The following PHF14 variants were observed in gnomAD, a reference collection of about 807,000 sequenced individuals.
PHF14 encodes PHD finger protein 14.
In PHF14, 55 loss-of-function variants were observed where a neutral mutation model predicts 117.9. The ratio of observed to expected loss-of-function variants is 0.47; its 90% CI spans 0.38 to 0.58. The LOEUF is 0.58. PHF14 is among the 20% of genes least tolerant of loss of function. The pLI, the probability that PHF14 is intolerant of heterozygous loss-of-function variation, is 0.00. For synonymous variants in PHF14, 409 were observed against 368.6 expected, an observed-to-expected ratio of 1.11 and a Z score of -1.26; for missense variants, 978 against 1,122.2, an observed-to-expected ratio of 0.87 and a Z score of 1.84.
Position 10,973,877 on chromosome 7 carries a change from C to G in PHF14, c.-447C>G, listed in dbSNP as rs1343592519. 2.5e-5 allele frequency: 4 copies of G among 160,600 alleles called. No homozygotes were observed. Among genetic ancestry groups the G allele is most frequent in the Admixed American group, 1.8e-4 (3 of 16,426 alleles). 9.9% of individuals were successfully genotyped at this position (160,600 alleles called of 1,614,324 possible). On this transcript the variant is annotated 5_prime_UTR_variant, in exon 1 of 18. Transcript: ENST00000634607. ...GCGCTCAGCCTCGTGTTTTCACTTC[C>G]TTTTCAGAGCTGTATCCGGGTCGCT...
chr7:11,116,393 A>G (rs918402604), intron 17 of PHF14, among the ~76,000 whole-genome samples: 4 of 152,060 alleles, frequency 2.6e-5, no homozygotes, highest in African/African-American at 7.2e-5. Flanking sequence ...TTCTCAGTAG[A>G]AAAAGCCAAG....
intron 17 of PHF14, among the ~76,000 whole-genome samples, chr7:11,168,045 C>G (rs1009548412): frequency 6.6e-6 from 1 of 150,546 alleles, no homozygotes; most frequent in African/African-American, 2.4e-5. Context: ...GAAATGTCAT[C>G]TGTAGGAACT....
chr7:11,021,646 C>T (rs1783740482), intron 5 of PHF14, among the ~76,000 whole-genome samples: 2 of 151,978 alleles, frequency 1.3e-5, no homozygotes, highest in Admixed American at 1.3e-4. Context: ...ATCAGTGGAG[C>T]ATGAAAAAAC....
At chr7:11,025,798 A>G (rs964384175) in intron 6 of PHF14, among the ~76,000 whole-genome samples, 2 of 151,374 alleles carry the variant, frequency 1.3e-5, no homozygotes, top group African/African-American at 4.9e-5. Context: ...CCGTCTCAAA[A>G]AAAAAGAAAA....
intron 3 of PHF14, among the ~76,000 whole-genome samples, chr7:10,984,286 A>G (rs1327297608): frequency 6.6e-6 from 1 of 152,150 alleles, no homozygotes; most frequent in African/African-American, 2.4e-5. Flanking sequence ...TGAGGTTATC[A>G]GTGGAGATGA....
chr7:10,998,496 G>A (rs949827098), intron 4 of PHF14, among the ~76,000 whole-genome samples: 1 of 152,020 alleles, frequency 6.6e-6, no homozygotes, highest in African/African-American at 2.4e-5. Flanking sequence ...GATATTAGTG[G>A]TAATGAATAT....
intron 7 of PHF14, 75 bp downstream of exon 7, chr7:11,028,893 T>A: frequency 8.3e-7 from 1 of 1,202,132 alleles, no homozygotes. Flanking sequence ...ATAATAAGTG[T>A]AAATAATAAA....
intron 17 of PHF14, among the ~76,000 whole-genome samples, chr7:11,119,293 T>C (rs573498511): frequency 6.6e-6 from 1 of 152,002 alleles, no homozygotes; most frequent in African/African-American, 2.4e-5. Flanking sequence ...AGAGTTAAGA[T>C]AAAGGACATT....
At chr7:11,143,480 C>T (rs1788456689) in intron 17 of PHF14, among the ~76,000 whole-genome samples, 1 of 151,900 alleles carries the variant, frequency 6.6e-6, no homozygotes, top group African/African-American at 2.4e-5. Flanking sequence ...AGTGACAGAT[C>T]ACTTCAAGAA....
chr7:10,989,518 C>A (rs1158342048), intron 3 of PHF14, among the ~76,000 whole-genome samples: 1 of 152,118 alleles, frequency 6.6e-6, no homozygotes, highest in East Asian at 1.9e-4. Flanking sequence ...ATGCAAGAAT[C>A]ATTTTCTTAA....
At chr7:10,997,329 G>A (rs867522569) in intron 4 of PHF14, among the ~76,000 whole-genome samples, 3 of 152,154 alleles carry the variant, frequency 2.0e-5, no homozygotes, top group African/African-American at 2.4e-5. Flanking sequence ...AAGGGAAAGT[G>A]CAAAAAGTGA....
chr7:11,064,461 G>A (rs1785353769), intron 16 of PHF14, among the ~76,000 whole-genome samples: 1 of 151,642 alleles, frequency 6.6e-6, no homozygotes, highest in Non-Finnish European at 1.5e-5. Context: ...ATGTCTGTTA[G>A]GTTCTCTTTT....
At chr7:11,051,093 T>C (rs575797241) in intron 13 of PHF14, among the ~76,000 whole-genome samples, 8 of 152,128 alleles carry the variant, frequency 5.3e-5, no homozygotes, top group African/African-American at 1.9e-4. Flanking sequence ...CAGGCTGGAG[T>C]GCAGTGTTGA....
intron 5 of PHF14, among the ~76,000 whole-genome samples, chr7:11,021,607 C>A (rs1298604699): frequency 6.6e-6 from 1 of 152,030 alleles, no homozygotes. Context: ...CAGAGATAAA[C>A]TCCTACAGAG....
At chr7:11,089,782 T>G (rs112331061) in intron 16 of PHF14, among the ~76,000 whole-genome samples, 1 of 134,370 alleles carries the variant, frequency 7.4e-6, no homozygotes, top group African/African-American at 2.8e-5. Context: ...TTTTTTTTTT[T>G]TTTTTGAGAC....
chr7:11,057,295 G>GT lies in PHF14; in HGVS notation c.2482-4490dup, dbSNP rs1389356425. Among the ~76,000 whole-genome samples, 3 of 152,050 alleles carry GT rather than the reference G, an allele frequency of 2.0e-5. No individual in the cohort carries two copies. The South Asian group carries it at 6.2e-4, about 31-fold the overall frequency. On this transcript the variant is annotated intron_variant, in intron 14 of 17. Coordinates refer to ENST00000634607, the MANE Select transcript of PHF14 (RefSeq NM_001007157.2). ...AAGAATTAATTAAAATACATTACAT[G>GT]TTTTTTAGTCCAAATGATAGAAAAG...
intron 17 of PHF14, among the ~76,000 whole-genome samples, chr7:11,131,360 G>T (rs1788086040): frequency 6.6e-6 from 1 of 151,864 alleles, no homozygotes. Flanking sequence ...AGCCATTCTA[G>T]CATGTGGGAA....
chr7:10,996,488 A>G (rs1437577430), intron 4 of PHF14, among the ~76,000 whole-genome samples: 1 of 152,202 alleles, frequency 6.6e-6, no homozygotes, highest in Non-Finnish European at 1.5e-5. Flanking sequence ...TGTTTCAAAA[A>G]GAGAGTCAGT....
intron 3 of PHF14, among the ~76,000 whole-genome samples, chr7:10,986,804 A>G (rs375014979): frequency 5.9e-5 from 9 of 152,276 alleles, no homozygotes; most frequent in East Asian, 3.9e-4. Flanking sequence ...AGATTTTGAA[A>G]CTAAAGTTTT....
Sources: gnomAD v4.1 joint callset for allele counts (sites outside exome capture counted in the v4.1 genomes callset) on GRCh38, gnomAD v4.1.1 for gene constraint, MANE v1.5 for transcripts, NCBI Gene and HGNC (gene_info 2026-07-23, HGNC 2026-07-21) for gene names.